OSBPL8: variants seen among roughly 807,000 people sequenced by gnomAD.
OSBPL8 encodes the protein oxysterol-binding protein-related protein 8.
Under a neutral mutation model 125.5 loss-of-function variants are expected in OSBPL8, and 59 were observed. The observed-to-expected ratio is 0.47, with a 90% CI of 0.38 to 0.58. The LOEUF (loss-of-function observed/expected upper bound fraction) is 0.58. Among genes scored for constraint, OSBPL8 ranks in the 20% least tolerant of loss-of-function variants. The pLI, the probability that OSBPL8 is intolerant of heterozygous loss-of-function variation, is 0.00. For missense variants in OSBPL8, 758 were observed against 1,047.8 expected, an observed-to-expected ratio of 0.72 and a Z score of 3.82; for synonymous variants, 330 against 338.9, an observed-to-expected ratio of 0.97 and a Z score of 0.29.
At chr12:76,434,612 C>T (rs1871232148) in intron 4 of OSBPL8, among the ~76,000 whole-genome samples, 1 of 151,806 alleles carries the variant, frequency 6.6e-6, no homozygotes, top group Admixed American at 6.6e-5. Context: ...TAATATGGGG[C>T]TAATATACAA....
intron 3 of OSBPL8, among the ~76,000 whole-genome samples, chr12:76,452,969 C>T (rs1380302502): frequency 4.0e-5 from 6 of 151,474 alleles, no homozygotes; most frequent in Non-Finnish European, 7.4e-5. Context: ...ACTTTTGATA[C>T]GTTCTTAATT....
At chr12:76,373,243 T>C in intron 18 of OSBPL8, 101 bp downstream of exon 18, 1 of 691,390 alleles carries the variant, frequency 1.4e-6, no homozygotes, top group East Asian at 2.8e-5. Context: ...TGTTAAATAG[T>C]GATGTTTTCA....
intron 2 of OSBPL8, among the ~76,000 whole-genome samples, chr12:76,471,323 C>T (rs1337131018): frequency 6.6e-6 from 1 of 152,112 alleles, no homozygotes; most frequent in African/African-American, 2.4e-5. Context: ...TTCTCTGCCC[C>T]TGCTCTTCTT....
rs1953507358 is a variant in OSBPL8 at position 76,390,392 on chromosome 12, A to G, written c.1167+28T>C. ...AGAATTCCCAAGAATATGAAAATCC[A>G]GAACCTCTAAAAATAGCAGACTTTT... On this transcript the variant is annotated intron_variant, in intron 11 of 23. Transcript: ENST00000261183. 3 of 1,472,326 alleles carry G rather than the reference A, an allele frequency of 2.0e-6. No homozygotes were observed. The South Asian group carries it at 3.7e-5, about 18-fold the overall frequency. 91.2% of individuals were successfully genotyped at this position (1,472,326 alleles called of 1,614,324 possible). A position where few individuals can be genotyped will look rare whatever the true frequency, so the allele number is the denominator to read the frequency against.
intron 5 of OSBPL8, among the ~76,000 whole-genome samples, chr12:76,406,208 G>C (rs1183221690): frequency 6.6e-6 from 1 of 152,066 alleles, no homozygotes; most frequent in African/African-American, 2.4e-5. Flanking sequence ...AAAATACTTT[G>C]CAATTTGCTT....
chr12:76,354,099 A>G lies in OSBPL8; in HGVS notation c.*1790T>C, dbSNP rs1951905975. 1.3e-5 allele frequency: 2 copies of G among 152,412 alleles called. No individual in the cohort carries two copies. Among genetic ancestry groups the G allele is most frequent in the Non-Finnish European group, 2.9e-5 (2 of 67,822 alleles). The allele number at this position is 152,412 out of a possible 1,614,324, so 9.4% of individuals were successfully genotyped here. A position where few individuals can be genotyped will look rare whatever the true frequency, so the allele number is the denominator to read the frequency against. ...GATCAAATTGTACAATATTTACAGAATATCATATATCAATGAATAGGCAGA... is the reference window on the plus strand; with the variant it reads ...GATCAAATTGTACAATATTTACAGAGTATCATATATCAATGAATAGGCAGA... On this transcript the variant is annotated 3_prime_UTR_variant, in exon 24 of 24. Coordinates refer to ENST00000261183, the MANE Select transcript of OSBPL8 (RefSeq NM_020841.5).
chr12:76,393,710 CAAA>C (rs11423585), intron 9 of OSBPL8, among the ~76,000 whole-genome samples: 2 of 52,294 alleles, frequency 3.8e-5, no homozygotes, highest in Admixed American at 6.5e-4. Flanking sequence ...GACTCCGTTT[CAAA>C]AAAAAAAAAA....
intron 4 of OSBPL8, among the ~76,000 whole-genome samples, chr12:76,419,817 T>C (rs970199380): frequency 3.3e-5 from 5 of 152,226 alleles, no homozygotes; most frequent in African/African-American, 4.8e-5. Flanking sequence ...CACAGACTCA[T>C]AATAATTCCA....
intron 7 of OSBPL8, among the ~76,000 whole-genome samples, chr12:76,399,141 G>A (rs1953944068): frequency 1.3e-5 from 2 of 152,192 alleles, no homozygotes; most frequent in African/African-American, 4.8e-5. Flanking sequence ...ACTATCACTA[G>A]ACTCTCATTT....
At chr12:76,465,748 G>GT (rs1875339385) in intron 2 of OSBPL8, among the ~76,000 whole-genome samples, 1 of 152,104 alleles carries the variant, frequency 6.6e-6, no homozygotes, top group Non-Finnish European at 1.5e-5. Context: ...GCTCACACCT[G>GT]TAATCCCAGC....
At chr12:76,382,329 C>A (rs926622015) in intron 15 of OSBPL8, among the ~76,000 whole-genome samples, 15 of 151,814 alleles carry the variant, frequency 9.9e-5, no homozygotes, top group Non-Finnish European at 1.6e-4. Context: ...TTTACCTATA[C>A]TTTTTGGTGG....
intron 18 of OSBPL8, among the ~76,000 whole-genome samples, chr12:76,372,824 A>C (rs553346531): frequency 1.3e-5 from 2 of 152,198 alleles, no homozygotes; most frequent in Non-Finnish European, 2.9e-5. Context: ...TTCCACTGAA[A>C]GGAATATAAC....
chr12:76,495,603 C>T (rs1879190246), intron 1 of OSBPL8, among the ~76,000 whole-genome samples: 1 of 152,150 alleles, frequency 6.6e-6, no homozygotes, highest in South Asian at 2.1e-4. Flanking sequence ...CTCTATTCTC[C>T]AGACCTTGGA....
At chr12:76,558,216 C>T (rs1230486909) in intron 1 of OSBPL8, among the ~76,000 whole-genome samples, 1 of 152,034 alleles carries the variant, frequency 6.6e-6, no homozygotes, top group Non-Finnish European at 1.5e-5. Flanking sequence ...TTTCCTATTC[C>T]AACCTATTTT....
At chr12:76,486,041 T>G (rs969102878) in intron 2 of OSBPL8, 17 of 434,348 alleles carry the variant, frequency 3.9e-5, no homozygotes, top group Non-Finnish European at 7.9e-5. Context: ...TTACCATCCG[T>G]TTTTCATTTA....
At chr12:76,388,010 G>T (rs1050296755) in intron 12 of OSBPL8, among the ~76,000 whole-genome samples, 3 of 152,044 alleles carry the variant, frequency 2.0e-5, no homozygotes, top group Non-Finnish European at 4.4e-5. Context: ...AAACAGTCTT[G>T]CTTTTCTTAA....
At chr12:76,442,408 A>C (rs963278953) in intron 4 of OSBPL8, among the ~76,000 whole-genome samples, 3 of 152,190 alleles carry the variant, frequency 2.0e-5, no homozygotes, top group African/African-American at 7.2e-5. Context: ...AGTTCTATGA[A>C]GCAACTACCC....
intron 1 of OSBPL8, among the ~76,000 whole-genome samples, chr12:76,488,007 G>T (rs1279131018): frequency 2.0e-5 from 3 of 152,132 alleles, no homozygotes; most frequent in Non-Finnish European, 4.4e-5. Flanking sequence ...TTTGTTATGA[G>T]AATATAAATC....
chr12:76,432,575 T>C (rs1399466500), intron 4 of OSBPL8, among the ~76,000 whole-genome samples: 1 of 152,032 alleles, frequency 6.6e-6, no homozygotes, highest in Non-Finnish European at 1.5e-5. Context: ...AATGAGACTT[T>C]GTCTTAAAAA....
Sources: gnomAD v4.1 joint callset for allele counts (sites outside exome capture counted in the v4.1 genomes callset) on GRCh38, gnomAD v4.1.1 for gene constraint, MANE v1.5 for transcripts, NCBI Gene and HGNC (gene_info 2026-07-23, HGNC 2026-07-21) for gene names.